Variants in FABP12 observed in about 807,000 individuals in gnomAD.
The protein encoded by FABP12 is fatty acid binding protein 12.
Under a neutral mutation model 13.7 loss-of-function variants are expected in FABP12, and 19 were observed. The ratio of observed to expected loss-of-function variants is 1.39; its 90% CI spans 0.97 to 2.04. The LOEUF (loss-of-function observed/expected upper bound fraction) is 2.04, where lower values mean the gene tolerates loss of function less well. Ranked by LOEUF, FABP12 falls within the 30% of genes most tolerant of loss-of-function variation. The probability of loss-of-function intolerance (pLI) is 0.00; values close to 1 mark genes in which losing one functional copy is unlikely to be tolerated. For synonymous variants in FABP12, 61 were observed against 57.0 expected (o/e 1.07, Z -0.32); for missense variants, 182 against 164.2 (o/e 1.11, Z -0.59).
intron 1 of FABP12, among the ~76,000 whole-genome samples, chr8:81,579,656 A>G (rs761775863): frequency 2.0e-5 from 3 of 152,164 alleles, no homozygotes; most frequent in Non-Finnish European, 4.4e-5. Flanking sequence ...AAATATGTTA[A>G]CATTATTCAT....
intron 1 of FABP12, among the ~76,000 whole-genome samples, chr8:81,545,187 G>C (rs1809417135): frequency 6.6e-6 from 1 of 152,168 alleles, no homozygotes; most frequent in Non-Finnish European, 1.5e-5. Flanking sequence ...TGCCCGACTA[G>C]AGGTTGGGTA....
chr8:81,537,781 A>G (rs1438135444), upstream of FABP12, among the ~76,000 whole-genome samples: 1 of 152,172 alleles, frequency 6.6e-6, no homozygotes, highest in Admixed American at 6.5e-5. Context: ...GTGGACAGGA[A>G]GCTGAGCTGA....
chr8:81,568,609 T>C (rs192750935), intron 1 of FABP12, among the ~76,000 whole-genome samples: 1 of 152,316 alleles, frequency 6.6e-6, no homozygotes, highest in African/African-American at 2.4e-5. Context: ...TACCACATGA[T>C]GCAGCAACAC....
chr8:81,534,084 C>T (rs550729099), upstream of FABP12, among the ~76,000 whole-genome samples: 1 of 152,048 alleles, frequency 6.6e-6, no homozygotes, highest in African/African-American at 2.4e-5. Flanking sequence ...TGCTATGATG[C>T]TCACCCACAC....
chr8:81,576,733 G>T (rs1810053960), intron 1 of FABP12, among the ~76,000 whole-genome samples: 1 of 152,110 alleles, frequency 6.6e-6, no homozygotes, highest in Admixed American at 6.5e-5. Flanking sequence ...CCAAATCTGA[G>T]TGGCTTAAAA....
intron 1 of FABP12, among the ~76,000 whole-genome samples, chr8:81,575,984 C>T (rs773500133): frequency 2.0e-5 from 3 of 152,064 alleles, no homozygotes; most frequent in South Asian, 2.1e-4. Flanking sequence ...GGCTGGGGAC[C>T]GCTGTTCTAT....
At chr8:81,556,002 T>C (rs1021970059) in intron 1 of FABP12, among the ~76,000 whole-genome samples, 1 of 152,224 alleles carries the variant, frequency 6.6e-6, no homozygotes, top group Non-Finnish European at 1.5e-5. Context: ...GGATCATGGG[T>C]ATCTTGGTAA....
chr8:81,558,885 A>G (rs1809667563), intron 1 of FABP12, among the ~76,000 whole-genome samples: 1 of 119,178 alleles, frequency 8.4e-6, no homozygotes, highest in African/African-American at 3.7e-5. Context: ...GTAAGGCTCC[A>G]TCAAAAAAAA....
chr8:81,530,008 G>A (rs754580038), intron 2 of FABP12, among the ~76,000 whole-genome samples: 10 of 152,096 alleles, frequency 6.6e-5, no homozygotes, highest in Non-Finnish European at 1.3e-4. Context: ...CTTTGGTATG[G>A]ATTTTGCCAG....
chr8:81,526,276 G>A (rs961533567), intron 4 of FABP12: 1 of 152,132 alleles, frequency 6.6e-6, no homozygotes, highest in Non-Finnish European at 1.5e-5. Context: ...TGGTATAGGT[G>A]GGGGTTTGGG....
chr8:81,576,862 T>C (rs1166702450), intron 1 of FABP12, among the ~76,000 whole-genome samples: 2 of 152,216 alleles, frequency 1.3e-5, no homozygotes, highest in African/African-American at 4.8e-5. Flanking sequence ...TCTAGTCATT[T>C]TGGCAGTACA....
chr8:81,543,422 C>T (rs932397653), intron 1 of FABP12, among the ~76,000 whole-genome samples: 1 of 152,140 alleles, frequency 6.6e-6, no homozygotes. Context: ...AGGTGGAAAA[C>T]TAGTTTAGCG....
intron 1 of FABP12, among the ~76,000 whole-genome samples, chr8:81,547,571 T>C (rs1316015943): frequency 2.0e-5 from 3 of 152,254 alleles, no homozygotes; most frequent in Non-Finnish European, 4.4e-5. Flanking sequence ...GATTAATATT[T>C]ACCGTCTTAT....
At chr8:81,581,339 A>AGGT (rs1810158705) in intron 1 of FABP12, among the ~76,000 whole-genome samples, 1 of 152,206 alleles carries the variant, frequency 6.6e-6, no homozygotes, top group Non-Finnish European at 1.5e-5. Context: ...CTTCTGCTCC[A>AGGT]AAAGTCTGGT....
chr8:81,557,925 G>GTAC (rs1392826316), intron 1 of FABP12, among the ~76,000 whole-genome samples: 1 of 152,104 alleles, frequency 6.6e-6, no homozygotes, highest in Non-Finnish European at 1.5e-5. Context: ...TAACACCCTG[G>GTAC]TACTCATGGC....
chr8:81,551,711 A>G (rs1197811921), intron 1 of FABP12, among the ~76,000 whole-genome samples: 3 of 152,152 alleles, frequency 2.0e-5, no homozygotes, highest in Non-Finnish European at 4.4e-5. Flanking sequence ...AATGCTGAGA[A>G]AAATTTCTAT....
At chr8:81,549,386 G>C (rs1188680500) in intron 1 of FABP12, among the ~76,000 whole-genome samples, 3 of 152,130 alleles carry the variant, frequency 2.0e-5, no homozygotes, top group Non-Finnish European at 4.4e-5. Flanking sequence ...TTATCTGATT[G>C]TAATTCTGGA....
At chr8:81,529,341 G>A in intron 3 of FABP12, 97 bp downstream of exon 3, 1 of 1,195,268 alleles carries the variant, frequency 8.4e-7, no homozygotes, top group Non-Finnish European at 1.2e-6. Context: ...TCCTCTTAAG[G>A]ACTTTAGATA....
chr8:81,564,536 G>C (rs891439048), intron 1 of FABP12, among the ~76,000 whole-genome samples: 1 of 151,878 alleles, frequency 6.6e-6, no homozygotes, highest in South Asian at 2.1e-4. Flanking sequence ...AAGTTCAAAA[G>C]TACAAAGACA....
Sources: allele counts gnomAD v4.1 joint callset (sites outside exome capture counted in the v4.1 genomes callset), GRCh38; gene constraint gnomAD v4.1.1; transcripts MANE v1.5; gene names NCBI Gene and HGNC (gene_info 2026-07-23, HGNC 2026-07-21).